MITF: variants seen among roughly 807,000 people sequenced by gnomAD.
MITF encodes the protein melanocyte inducing transcription factor, also known as microphthalmia-associated transcription factor.
In MITF, 17 loss-of-function variants were observed where a neutral mutation model predicts 60.5. The ratio of observed to expected loss-of-function variants is 0.28; its 90% CI spans 0.19 to 0.42. MITF has a LOEUF of 0.42. Among genes scored for constraint, MITF ranks in the 10% least tolerant of loss-of-function variants. The probability of loss-of-function intolerance (pLI) is 1.00; values close to 1 mark genes in which losing one functional copy is unlikely to be tolerated. For synonymous variants in MITF, 260 were observed against 248.5 expected (o/e 1.05, Z -0.43); for missense variants, 622 against 683.5 (o/e 0.91, Z 1.00).
At chr3:69,795,702 G>A (rs928031167) in intron 1 of MITF, among the ~76,000 whole-genome samples, 10 of 152,026 alleles carry the variant, frequency 6.6e-5, no homozygotes, top group Admixed American at 3.9e-4. Flanking sequence ...CTCCTGCCTG[G>A]GTGACAGAGT....
chr3:69,859,522 G>A (rs1056070125), intron 1 of MITF, among the ~76,000 whole-genome samples: 3 of 152,166 alleles, frequency 2.0e-5, no homozygotes, highest in African/African-American at 7.2e-5. Flanking sequence ...ATCTCCTAAT[G>A]AGATGGAATC....
At chr3:69,897,372 G>C (rs1206131993) in intron 2 of MITF, among the ~76,000 whole-genome samples, 1 of 152,164 alleles carries the variant, frequency 6.6e-6, no homozygotes, top group Non-Finnish European at 1.5e-5. Flanking sequence ...ATGGAACCTT[G>C]CCAGACAGAA....
At chr3:69,817,860 G>A (rs746979020) in intron 1 of MITF, among the ~76,000 whole-genome samples, 5 of 152,102 alleles carry the variant, frequency 3.3e-5, no homozygotes, top group Admixed American at 2.0e-4. Flanking sequence ...TCAATATCAA[G>A]CCTTTTGGGG....
At chr3:69,958,633 C>T (rs904895196) in intron 8 of MITF, among the ~76,000 whole-genome samples, 2 of 151,484 alleles carry the variant, frequency 1.3e-5, no homozygotes, top group African/African-American at 2.4e-5. Context: ...GTAGTGAGAT[C>T]TCACAGATCT....
chr3:69,875,914 T>G (rs2064343400), intron 1 of MITF, among the ~76,000 whole-genome samples: 2 of 152,238 alleles, frequency 1.3e-5, no homozygotes, highest in Non-Finnish European at 2.9e-5. Context: ...CTCTAATGCT[T>G]CCTTTGCACT....
At chr3:69,863,904 AT>A (rs2064062473) in intron 1 of MITF, among the ~76,000 whole-genome samples, 1 of 151,914 alleles carries the variant, frequency 6.6e-6, no homozygotes, top group South Asian at 2.1e-4. Flanking sequence ...TGATATGGTT[AT>A]TCCCTATCCT....
At chr3:69,859,655 GAAGA>G (rs1370063627) in intron 1 of MITF, among the ~76,000 whole-genome samples, 1 of 151,966 alleles carries the variant, frequency 6.6e-6, no homozygotes, top group Non-Finnish European at 1.5e-5. Context: ...CTGCTTGGAA[GAAGA>G]AAGAAACTGA....
intron 2 of MITF, among the ~76,000 whole-genome samples, chr3:69,937,448 A>G (rs1446471080): frequency 6.6e-6 from 1 of 151,672 alleles, no homozygotes; most frequent in Non-Finnish European, 1.5e-5. Flanking sequence ...AAGTGAAACA[A>G]ACAATTATGC....
Position 69,742,720 on chromosome 3 carries a change from A to C in MITF, c.104+3019A>C, listed in dbSNP as rs552199762. Among the ~76,000 whole-genome samples, 5 of 152,324 alleles carry C rather than the reference A, an allele frequency of 3.3e-5. 1 individual carries two copies. Among genetic ancestry groups the C allele is most frequent in the African/African-American group, 1.2e-4 (5 of 41,580 alleles). On this transcript the variant is annotated intron_variant, in intron 1 of 9. Coordinates refer to ENST00000352241, the MANE Select transcript of MITF (RefSeq NM_001354604.2). ...AGTGTGACGTTGACTGTGGGAAAGT[A>C]TTAGCATGGTGCCTGGCACGTAGTA...
chr3:69,761,790 A>C (rs910252634), intron 1 of MITF, among the ~76,000 whole-genome samples: 1 of 152,236 alleles, frequency 6.6e-6, no homozygotes, highest in African/African-American at 2.4e-5. Context: ...AATCATTCAC[A>C]AGGGTGTGGT....
At chr3:69,944,868 A>T (rs2107500337) in intron 5 of MITF, among the ~76,000 whole-genome samples, 1 of 152,272 alleles carries the variant, frequency 6.6e-6, no homozygotes, top group African/African-American at 2.4e-5. Context: ...ATTAAGTAAC[A>T]AAGCTACTGC....
At chr3:69,936,573 C>T in intron 2 of MITF, 1 of 1,499,060 alleles carries the variant, frequency 6.7e-7, no homozygotes, top group Non-Finnish European at 8.9e-7. Flanking sequence ...ATAAGCAGGG[C>T]TTCTGTGATA....
chr3:69,807,673 T>C (rs2063031740), intron 1 of MITF, among the ~76,000 whole-genome samples: 1 of 152,238 alleles, frequency 6.6e-6, no homozygotes, highest in South Asian at 2.1e-4. Flanking sequence ...CTATGGTGGA[T>C]AAGCCACTTT....
chr3:69,830,719 A>G (rs971549864), intron 1 of MITF, among the ~76,000 whole-genome samples: 1 of 151,818 alleles, frequency 6.6e-6, no homozygotes, highest in African/African-American at 2.4e-5. Flanking sequence ...GGTTCAATAA[A>G]TGAATGAACA....
In MITF at chr3:69,955,093, G is replaced by A. The variant is rs143839922; in HGVS notation, c.956-1362G>A. Among the ~76,000 whole-genome samples, 34 of 152,224 alleles carry A rather than the reference G, an allele frequency of 2.2e-4. No individual in the cohort carries two copies. In the East Asian group the frequency reaches 6.2e-3, roughly 28 times the overall value. On this transcript the variant is annotated intron_variant, in intron 7 of 9. Coordinates refer to ENST00000352241, the MANE Select transcript of MITF (RefSeq NM_001354604.2). ...ACCTTACACTGAGATTTATAAAATA[G>A]GAATGCTGTGAAGATTCATGGTACA...
At chr3:69,894,770 T>C (rs2064836519) in intron 2 of MITF, among the ~76,000 whole-genome samples, 1 of 152,214 alleles carries the variant, frequency 6.6e-6, no homozygotes, top group Non-Finnish European at 1.5e-5. Context: ...CATTTGTTTA[T>C]ATTTTTTACC....
chr3:69,757,997 A>G (rs111422283), intron 1 of MITF, among the ~76,000 whole-genome samples: 30 of 116,050 alleles, frequency 2.6e-4, no homozygotes, highest in African/African-American at 6.7e-4. Context: ...ACCCTAGGGC[A>G]TGTGTGTGTG....
intron 1 of MITF, among the ~76,000 whole-genome samples, chr3:69,745,860 T>C (rs1195128905): frequency 6.6e-6 from 1 of 152,202 alleles, no homozygotes; most frequent in Non-Finnish European, 1.5e-5. Flanking sequence ...TTAGGGTTGG[T>C]AGAACTTTTA....
At chr3:69,922,291 A>G (rs1489766016) in intron 2 of MITF, among the ~76,000 whole-genome samples, 1 of 151,978 alleles carries the variant, frequency 6.6e-6, no homozygotes, top group Non-Finnish European at 1.5e-5. Context: ...GCACAATCTC[A>G]GCTCACTGCA....
Sources: allele counts gnomAD v4.1 joint callset (sites outside exome capture counted in the v4.1 genomes callset), GRCh38; gene constraint gnomAD v4.1.1; transcripts MANE v1.5; gene names NCBI Gene and HGNC (gene_info 2026-07-23, HGNC 2026-07-21).